The following ST3GAL3 variants were observed in gnomAD, a reference collection of about 807,000 sequenced individuals.
ST3GAL3 encodes the protein ST3 beta-galactoside alpha-2,3-sialyltransferase 3.
In ST3GAL3, 21 loss-of-function variants were observed where a neutral mutation model predicts 50.1. The ratio of observed to expected loss-of-function variants is 0.42; its 90% confidence interval spans 0.30 to 0.60. The LOEUF (loss-of-function observed/expected upper bound fraction) is 0.60, where lower values mean the gene tolerates loss of function less well. Ranked by LOEUF, ST3GAL3 falls within the 20% of genes least tolerant of loss-of-function variation. ST3GAL3 has a pLI of 0.19. For missense variants in ST3GAL3, 353 were observed against 489.4 expected, an observed-to-expected ratio of 0.72 and a Z score of 2.63; for synonymous variants, 183 against 190.0, an observed-to-expected ratio of 0.96 and a Z score of 0.30.
rs1353514978 is a variant in ST3GAL3, at chr1:43,817,458, CT to C, written c.209+2528del. ...TTCTTCCTTCTCCTTCTTCTTTCTT[CT>C]TTCTTCTTCTCCTTCTCCTTGTTCT... On this transcript the variant is annotated intron_variant, in intron 4 of 11. Transcript: ENST00000347631. 4.2e-5 allele frequency among the ~76,000 whole-genome samples: 6 copies of C among 143,796 alleles called. No homozygotes were observed. In the East Asian group the frequency reaches 1.4e-3, roughly 33 times the overall value. 94.3% of individuals were successfully genotyped at this position (143,796 alleles called of 152,430 possible). A position where few individuals can be genotyped will look rare whatever the true frequency, so the allele number is the denominator to read the frequency against.
chr1:43,815,517 C>G (rs2061126470), intron 4 of ST3GAL3, among the ~76,000 whole-genome samples: 1 of 152,178 alleles, frequency 6.6e-6, no homozygotes, highest in African/African-American at 2.4e-5. Context: ...TTTTCTACCT[C>G]TGTTACAGTT....
At chr1:43,771,228 A>C (rs569441807) in intron 2 of ST3GAL3, among the ~76,000 whole-genome samples, 2 of 152,338 alleles carry the variant, frequency 1.3e-5, no homozygotes, top group African/African-American at 4.8e-5. Context: ...ATTCAAATTG[A>C]GTGTCTGAAT....
At chr1:43,873,146 G>C (rs1385749005) in intron 5 of ST3GAL3, among the ~76,000 whole-genome samples, 1 of 152,198 alleles carries the variant, frequency 6.6e-6, no homozygotes, top group African/African-American at 2.4e-5. Flanking sequence ...AGAATAGACT[G>C]TTGCAAGGCA....
intron 5 of ST3GAL3, chr1:43,838,613 C>T: frequency 2.6e-6 from 1 of 389,744 alleles, no homozygotes; most frequent in Non-Finnish European, 4.9e-6. Context: ...GGCTGCCAAG[C>T]ACAGAAGCTC....
chr1:43,724,716 T>A (rs889376766), intron 1 of ST3GAL3, among the ~76,000 whole-genome samples: 1 of 152,124 alleles, frequency 6.6e-6, no homozygotes, highest in African/African-American at 2.4e-5. Flanking sequence ...AGGGCTGTGA[T>A]TAAGGAAAGC....
At chr1:43,925,963 G>C (rs1224589928) in intron 11 of ST3GAL3, among the ~76,000 whole-genome samples, 3 of 152,208 alleles carry the variant, frequency 2.0e-5, no homozygotes, top group African/African-American at 7.2e-5. Context: ...GTGGAAGCCA[G>C]ATTGCAGTAG....
intron 4 of ST3GAL3, among the ~76,000 whole-genome samples, chr1:43,816,315 A>G (rs1001500841): frequency 2.0e-5 from 3 of 152,220 alleles, no homozygotes; most frequent in African/African-American, 7.2e-5. Context: ...GCCTCATACT[A>G]TGAGTTCAGG....
intron 9 of ST3GAL3, among the ~76,000 whole-genome samples, chr1:43,902,360 A>G (rs1224384588): frequency 6.6e-6 from 1 of 152,180 alleles, no homozygotes. Flanking sequence ...GGAGTCTTTT[A>G]AAGCCTGTAA....
At chr1:43,882,588 T>A (rs1167249990) in intron 5 of ST3GAL3, among the ~76,000 whole-genome samples, 1 of 152,172 alleles carries the variant, frequency 6.6e-6, no homozygotes, top group Non-Finnish European at 1.5e-5. Context: ...AGAAGATGGC[T>A]CCAGCTGTTC....
chr1:43,740,363 C>G (rs377156835), intron 2 of ST3GAL3, among the ~76,000 whole-genome samples: 1 of 151,314 alleles, frequency 6.6e-6, no homozygotes, highest in East Asian at 1.9e-4. Context: ...AGACTTATTT[C>G]TCTTTGCTCT....
intron 1 of ST3GAL3, 35 bp downstream of exon 1, chr1:43,707,728 G>A (rs1372874003): frequency 6.6e-6 from 1 of 151,830 alleles, no homozygotes; most frequent in Non-Finnish European, 1.5e-5. Flanking sequence ...GGGGCGCGAT[G>A]GCTGACCGCG....
At chr1:43,775,857 A>G (rs1697035136) in intron 2 of ST3GAL3, among the ~76,000 whole-genome samples, 1 of 151,912 alleles carries the variant, frequency 6.6e-6, no homozygotes, top group Non-Finnish European at 1.5e-5. Context: ...TATGACTTTC[A>G]CTGATCTTCC....
intron 3 of ST3GAL3, among the ~76,000 whole-genome samples, chr1:43,814,288 C>T (rs1028699033): frequency 1.9e-4 from 29 of 152,332 alleles, no homozygotes; most frequent in African/African-American, 6.7e-4. Context: ...AGAACTGCTT[C>T]AACCTCATTT....
chr1:43,829,149 A>G (rs1378604336), intron 4 of ST3GAL3, among the ~76,000 whole-genome samples: 6 of 152,048 alleles, frequency 3.9e-5, no homozygotes, highest in Non-Finnish European at 8.8e-5. Flanking sequence ...TAAAAAGTGT[A>G]TTTTATGAAA....
At chr1:43,805,994 A>G (rs2059838756) in intron 3 of ST3GAL3, among the ~76,000 whole-genome samples, 2 of 152,144 alleles carry the variant, frequency 1.3e-5, no homozygotes, top group East Asian at 3.9e-4. Context: ...TTGGCCTCCC[A>G]AAGTGCTGGG....
Position 43,765,977 on chromosome 1 carries a change from C to T in ST3GAL3, c.119-26125C>T, listed in dbSNP as rs182910797. On this transcript the variant is annotated intron_variant, in intron 2 of 11. Coordinates refer to ENST00000347631, the MANE Select transcript of ST3GAL3 (RefSeq NM_006279.5). Reference sequence around the variant, plus strand: ...GTGCTGCAGGGAAGCACATGAGCTTCTCTGTGCTTGAAGAAAGAAGCTTGA... The same window carrying T: ...GTGCTGCAGGGAAGCACATGAGCTTTTCTGTGCTTGAAGAAAGAAGCTTGA... Among the ~76,000 whole-genome samples the T allele has an allele frequency of 6.6e-4, 100 of 152,168 alleles. 1 individual carries two copies. Among genetic ancestry groups the T allele is most frequent in the Admixed American group, 1.6e-3 (24 of 15,292 alleles).
chr1:43,869,959 G>A (rs943299474), intron 5 of ST3GAL3, among the ~76,000 whole-genome samples: 1 of 152,172 alleles, frequency 6.6e-6, no homozygotes, highest in African/African-American at 2.4e-5. Flanking sequence ...CCACCTGGAA[G>A]GGCAGTTGCC....
At chr1:43,771,564 A>G (rs887478389) in intron 2 of ST3GAL3, among the ~76,000 whole-genome samples, 2 of 152,180 alleles carry the variant, frequency 1.3e-5, no homozygotes, top group Middle Eastern at 3.4e-3. Context: ...TCAACGTGTT[A>G]GCCAGGATGG....
chr1:43,921,369 A>C (rs1261666691), intron 11 of ST3GAL3: 1 of 458,668 alleles, frequency 2.2e-6, no homozygotes, highest in Non-Finnish European at 3.8e-6. Flanking sequence ...TTGCTTCCCA[A>C]ACATCCGTAT....
Sources: gnomAD v4.1 joint callset for allele counts (sites outside exome capture counted in the v4.1 genomes callset) on GRCh38, gnomAD v4.1.1 for gene constraint, MANE v1.5 for transcripts, NCBI Gene and HGNC (gene_info 2026-07-23, HGNC 2026-07-21) for gene names.